NFASC: variants seen among roughly 807,000 people sequenced by gnomAD.
NFASC encodes the protein neurofascin homolog.
Under a neutral mutation model 147.5 loss-of-function variants are expected in NFASC, and 43 were observed. That is an observed-to-expected ratio of 0.29 (90% CI 0.23 to 0.38). The LOEUF is 0.38. NFASC is among the 10% of genes least tolerant of loss of function. NFASC has a pLI of 1.00. For synonymous variants in NFASC, 622 were observed against 665.5 expected, an observed-to-expected ratio of 0.93 and a Z score of 1.01; for missense variants, 1,320 against 1,689.0, an observed-to-expected ratio of 0.78 and a Z score of 3.83.
At chr1:204,956,086 G>A (rs895298569) in intron 7 of NFASC, among the ~76,000 whole-genome samples, 3 of 152,110 alleles carry the variant, frequency 2.0e-5, no homozygotes, top group African/African-American at 7.2e-5. Context: ...ATCAAGTTGT[G>A]TTCACTCTGC....
intron 8 of NFASC, among the ~76,000 whole-genome samples, chr1:204,962,354 C>A (rs748366110): frequency 2.6e-5 from 4 of 152,226 alleles, no homozygotes; most frequent in African/African-American, 4.8e-5. Context: ...GTGTGGTCTC[C>A]TCTAACAGGC....
intron 2 of NFASC, among the ~76,000 whole-genome samples, chr1:204,940,854 A>T (rs149315433): frequency 2.0e-5 from 3 of 152,334 alleles, no homozygotes; most frequent in East Asian, 3.9e-4. Flanking sequence ...CTTAGAGGAC[A>T]TGTGGGCTGT....
chr1:204,984,940 G>A (rs1212257359), intron 21 of NFASC, among the ~76,000 whole-genome samples: 1 of 152,224 alleles, frequency 6.6e-6, no homozygotes, highest in Non-Finnish European at 1.5e-5. Context: ...GGAGTTGGCT[G>A]ATGGACAGTT....
chr1:205,014,462 A>G (rs976213548), intron 29 of NFASC, among the ~76,000 whole-genome samples: 1 of 151,922 alleles, frequency 6.6e-6, no homozygotes, highest in Non-Finnish European at 1.5e-5. Context: ...CTGTTCTCTC[A>G]CTCCAGTCTG....
chr1:204,858,235 A>T (rs2076342616), intron 1 of NFASC, among the ~76,000 whole-genome samples: 1 of 152,008 alleles, frequency 6.6e-6, no homozygotes, highest in Non-Finnish European at 1.5e-5. Flanking sequence ...TCCTCTTCTT[A>T]TAAGGATGCC....
At chr1:204,917,267 T>G (rs1304810582) in intron 1 of NFASC, among the ~76,000 whole-genome samples, 1 of 152,226 alleles carries the variant, frequency 6.6e-6, no homozygotes. Context: ...CTGTTAGGAT[T>G]AAATGTCTAT....
intron 1 of NFASC, chr1:204,870,686 C>G: frequency 9.3e-7 from 1 of 1,079,276 alleles, no homozygotes; most frequent in South Asian, 2.8e-5. Context: ...AGTGAGCAAG[C>G]CGGCCGAGGG....
intron 1 of NFASC, among the ~76,000 whole-genome samples, chr1:204,830,956 G>A (rs1349391711): frequency 6.6e-6 from 1 of 152,182 alleles, no homozygotes; most frequent in African/African-American, 2.4e-5. Context: ...GCTGCTGGGG[G>A]CACTGGCTGC....
At chr1:204,832,136 TCTGTGTGAACAC>T (rs1672373843) in intron 1 of NFASC, among the ~76,000 whole-genome samples, 1 of 136,750 alleles carries the variant, frequency 7.3e-6, no homozygotes, top group Non-Finnish European at 1.5e-5. Flanking sequence ...GGGGTAATGT[TCTGTGTGAACAC>T]CTGTGTGAAC....
At chr1:204,877,015 T>TAA (rs2078985348) in intron 1 of NFASC, among the ~76,000 whole-genome samples, 1 of 110,122 alleles carries the variant, frequency 9.1e-6, no homozygotes, top group South Asian at 2.5e-4. Context: ...TATATATATA[T>TAA]ATATATATAT....
chr1:204,994,913 G>C (rs2150739301), intron 24 of NFASC, among the ~76,000 whole-genome samples: 1 of 152,288 alleles, frequency 6.6e-6, no homozygotes, highest in South Asian at 2.1e-4. Flanking sequence ...GGGAGTTCAA[G>C]ACCAGCCTGG....
At chr1:204,893,383 G>T (rs1244412374) in intron 1 of NFASC, among the ~76,000 whole-genome samples, 1 of 152,222 alleles carries the variant, frequency 6.6e-6, no homozygotes, top group Admixed American at 6.5e-5. Flanking sequence ...TGAGCAGGAG[G>T]TGATTGCAAC....
chr1:204,910,971 G>A (rs930004616), intron 1 of NFASC, among the ~76,000 whole-genome samples: 2 of 152,142 alleles, frequency 1.3e-5, no homozygotes, highest in African/African-American at 2.4e-5. Flanking sequence ...TCAGCACTGT[G>A]TTGAATAAGT....
chr1:204,997,527 C>T (rs758983934), intron 25 of NFASC, 121 bp downstream of exon 25: 150 of 1,119,390 alleles, frequency 1.3e-4, no homozygotes, highest in Non-Finnish European at 2.0e-4. Flanking sequence ...GCCACCACCT[C>T]CCTTTGTGTT....
At chr1:204,888,636 A>G (rs1044016557) in intron 1 of NFASC, among the ~76,000 whole-genome samples, 3 of 152,250 alleles carry the variant, frequency 2.0e-5, no homozygotes, top group Non-Finnish European at 4.4e-5. Context: ...TTTGTTTAAT[A>G]CACAACACCT....
intron 1 of NFASC, among the ~76,000 whole-genome samples, chr1:204,911,690 G>C (rs2087544236): frequency 1.3e-5 from 2 of 152,154 alleles, no homozygotes; most frequent in Non-Finnish European, 2.9e-5. Flanking sequence ...CTATAAAAGA[G>C]ATTTTATTGA....
At chr1:204,908,574 G>T (rs1370528269) in intron 1 of NFASC, among the ~76,000 whole-genome samples, 1 of 151,818 alleles carries the variant, frequency 6.6e-6, no homozygotes. Flanking sequence ...CTTTGCCCAG[G>T]TTCCCCCAAT....
chr1:204,858,744 C>T (rs571655837), intron 1 of NFASC, among the ~76,000 whole-genome samples: 1 of 152,184 alleles, frequency 6.6e-6, no homozygotes, highest in East Asian at 1.9e-4. Flanking sequence ...GTGGAGACTG[C>T]CTGCACCTGC....
chr1:204,865,767 C>T (rs2077057811), intron 1 of NFASC, among the ~76,000 whole-genome samples: 2 of 152,188 alleles, frequency 1.3e-5, no homozygotes. Context: ...AGGCCTCTTG[C>T]AATTTCATAT....
Sources: gnomAD v4.1 joint callset for allele counts (sites outside exome capture counted in the v4.1 genomes callset) on GRCh38, gnomAD v4.1.1 for gene constraint, MANE v1.5 for transcripts, NCBI Gene and HGNC (gene_info 2026-07-23, HGNC 2026-07-21) for gene names.